L3MBTL4: variants seen among roughly 807,000 people sequenced by gnomAD.
L3MBTL4 encodes the protein L3MBTL histone methyl-lysine binding protein 4.
A neutral mutation model predicts 84.5 loss-of-function variants in L3MBTL4; 70 were observed. The ratio of observed to expected loss-of-function variants is 0.83; its 90% confidence interval spans 0.68 to 1.01. The LOEUF is 1.01. L3MBTL4 is among the 50% of genes least tolerant of loss of function. L3MBTL4 has a pLI of 0.00. For synonymous variants in L3MBTL4, 274 were observed against 259.8 expected (o/e 1.05, Z -0.52); for missense variants, 715 against 754.8 (o/e 0.95, Z 0.62).
At chr18:6,274,664 G>T (rs1031548623) in intron 4 of L3MBTL4, among the ~76,000 whole-genome samples, 5 of 152,238 alleles carry the variant, frequency 3.3e-5, no homozygotes, top group Non-Finnish European at 7.4e-5. Flanking sequence ...TGTTTTTGTG[G>T]ATGTTTTGAT....
chr18:5,989,229 C>T (rs143722517), intron 16 of L3MBTL4, among the ~76,000 whole-genome samples: 6 of 152,246 alleles, frequency 3.9e-5, no homozygotes, highest in African/African-American at 1.4e-4. Flanking sequence ...TAAATGCTTG[C>T]AATGAATTAA....
chr18:5,982,189 C>T (rs928586462), intron 16 of L3MBTL4, among the ~76,000 whole-genome samples: 3 of 152,116 alleles, frequency 2.0e-5, no homozygotes, highest in Admixed American at 6.5e-5. Context: ...AGTGGAGCTA[C>T]GAGCTCCCAC....
intron 12 of L3MBTL4, among the ~76,000 whole-genome samples, chr18:6,192,394 TC>T (rs1316338101): frequency 6.6e-6 from 1 of 152,110 alleles, no homozygotes; most frequent in East Asian, 1.9e-4. Context: ...AGGGGGTGCT[TC>T]ATTAGAAATG....
At chr18:6,304,662 A>G (rs1219356386) in intron 3 of L3MBTL4, among the ~76,000 whole-genome samples, 1 of 152,168 alleles carries the variant, frequency 6.6e-6, no homozygotes, top group Non-Finnish European at 1.5e-5. Flanking sequence ...ACCCTGTTCT[A>G]CTGCAAGTGA....
chr18:6,017,334 C>A (rs1415034533), intron 16 of L3MBTL4, among the ~76,000 whole-genome samples: 2 of 6,794 alleles, frequency 2.9e-4, no homozygotes, highest in Admixed American at 2.7e-3. Context: ...GAGATGCTGG[C>A]GCGCCACAGC....
At chr18:6,285,424 C>T (rs1398422400) in intron 4 of L3MBTL4, among the ~76,000 whole-genome samples, 1 of 151,970 alleles carries the variant, frequency 6.6e-6, no homozygotes, top group Non-Finnish European at 1.5e-5. Flanking sequence ...CTGTTAATTC[C>T]GATTTCCATG....
intron 16 of L3MBTL4, among the ~76,000 whole-genome samples, chr18:6,036,761 A>G (rs970208407): frequency 6.6e-6 from 1 of 152,136 alleles, no homozygotes; most frequent in Non-Finnish European, 1.5e-5. Flanking sequence ...GAGTTTGCTA[A>G]TTTTTTATAT....
At chr18:6,319,329 G>C (rs985594608) in intron 1 of L3MBTL4, among the ~76,000 whole-genome samples, 1 of 151,918 alleles carries the variant, frequency 6.6e-6, no homozygotes, top group African/African-American at 2.4e-5. Flanking sequence ...GAAACCAAAG[G>C]CTGCTTCTTT....
At chr18:6,138,633 C>A (rs1278781022) in intron 13 of L3MBTL4, among the ~76,000 whole-genome samples, 1 of 152,104 alleles carries the variant, frequency 6.6e-6, no homozygotes, top group Non-Finnish European at 1.5e-5. Flanking sequence ...CTCACTGCAA[C>A]CTCTGCCTCC....
chr18:6,196,368 A>G (rs1319266343), intron 12 of L3MBTL4, among the ~76,000 whole-genome samples: 7 of 152,108 alleles, frequency 4.6e-5, no homozygotes, highest in Admixed American at 1.3e-4. Context: ...CGTGTTGGCC[A>G]GGATGGTCTT....
At chr18:6,163,900 G>A (rs2043495252) in intron 13 of L3MBTL4, among the ~76,000 whole-genome samples, 1 of 152,202 alleles carries the variant, frequency 6.6e-6, no homozygotes, top group Admixed American at 6.5e-5. Flanking sequence ...CACCCGGGAA[G>A]CACAAGGGGT....
chr18:6,294,983 C>G (rs2050026590), intron 4 of L3MBTL4, among the ~76,000 whole-genome samples: 1 of 152,080 alleles, frequency 6.6e-6, no homozygotes. Flanking sequence ...CATAAAACAG[C>G]CTTTAAGAGG....
At chr18:6,331,722 G>A (rs2052042717) in intron 1 of L3MBTL4, among the ~76,000 whole-genome samples, 1 of 151,988 alleles carries the variant, frequency 6.6e-6, no homozygotes, top group South Asian at 2.1e-4. Flanking sequence ...ATGTGAAAAA[G>A]AAGTAAATAC....
intron 13 of L3MBTL4, among the ~76,000 whole-genome samples, chr18:6,138,658 T>A (rs1384886463): frequency 1.3e-5 from 2 of 152,130 alleles, no homozygotes; most frequent in South Asian, 4.1e-4. Flanking sequence ...TTCAAGCAAT[T>A]CTCCTGCCTC....
intron 4 of L3MBTL4, among the ~76,000 whole-genome samples, chr18:6,300,235 C>T (rs2050278357): frequency 6.6e-6 from 1 of 152,042 alleles, no homozygotes; most frequent in African/African-American, 2.4e-5. Flanking sequence ...TATAAATTAC[C>T]TCAAAAAGCC....
chr18:6,408,407 C>T (rs1469666821), intron 1 of L3MBTL4, among the ~76,000 whole-genome samples: 1 of 152,204 alleles, frequency 6.6e-6, no homozygotes, highest in Non-Finnish European at 1.5e-5. Context: ...CCAAAAACTG[C>T]ATCTGGTCAG....
intron 14 of L3MBTL4, among the ~76,000 whole-genome samples, chr18:6,104,516 T>C (rs2058935334): frequency 6.6e-6 from 1 of 152,196 alleles, no homozygotes; most frequent in Non-Finnish European, 1.5e-5. Flanking sequence ...ATGAGGTATC[T>C]TATGTAGATA....
chr18:6,001,068 G>A (rs894903829), intron 16 of L3MBTL4, among the ~76,000 whole-genome samples: 14 of 152,224 alleles, frequency 9.2e-5, no homozygotes, highest in Middle Eastern at 3.2e-3. Context: ...CCTGTGGCAG[G>A]CAGCTGTGCC....
intron 16 of L3MBTL4, among the ~76,000 whole-genome samples, chr18:6,000,257 T>C (rs577849716): frequency 2.0e-5 from 3 of 152,228 alleles, no homozygotes; most frequent in South Asian, 2.1e-4. Context: ...TCTGACATGT[T>C]TGGAAACACA....
Sources: gnomAD v4.1 joint callset for allele counts (sites outside exome capture counted in the v4.1 genomes callset) on GRCh38, gnomAD v4.1.1 for gene constraint, MANE v1.5 for transcripts, NCBI Gene and HGNC (gene_info 2026-07-23, HGNC 2026-07-21) for gene names.